Variants in POU2AF2 observed in about 807,000 individuals in gnomAD.
POU2AF2 encodes the protein POU domain class 2-associating factor 2.
At chr11:111,285,767 G>T in the POU2AF2 span, 18 of 1,612,908 alleles carry the variant, frequency 1.1e-5, no homozygotes, top group African/African-American at 2.4e-4. Flanking sequence ...GCTTGAGTCC[G>T]GGAGCATCGC....
the POU2AF2 span, among the ~76,000 whole-genome samples, chr11:111,251,532 A>G: frequency 5.3e-5 from 8 of 152,168 alleles, no homozygotes; most frequent in Non-Finnish European, 1.0e-4. Flanking sequence ...TAAATCTAGT[A>G]TCTCCAATTG....
the POU2AF2 span, among the ~76,000 whole-genome samples, chr11:111,258,238 G>A: frequency 7.9e-3 from 1,202 of 152,230 alleles, 10 homozygotes; most frequent in South Asian, 0.025. Flanking sequence ...GAAGTCACGC[G>A]GGTTGCTTGA....
chr11:111,285,940 G>T, the POU2AF2 span: 8 of 1,613,820 alleles, frequency 5.0e-6, no homozygotes, highest in Admixed American at 1.3e-4. Context: ...CCAAGGTGGG[G>T]CCACTCTCCC....
the POU2AF2 span, among the ~76,000 whole-genome samples, chr11:111,262,552 G>A: frequency 2.0e-5 from 3 of 152,306 alleles, no homozygotes; most frequent in East Asian, 1.9e-4. Context: ...CATGCAATTG[G>A]AAGCTGCATA....
At chr11:111,276,134 G>A in the POU2AF2 span, among the ~76,000 whole-genome samples, 10 of 151,924 alleles carry the variant, frequency 6.6e-5, no homozygotes, top group Admixed American at 2.0e-4. Flanking sequence ...ATTTATGAAC[G>A]ACATGAATCC....
At chr11:111,285,876 C>T in the POU2AF2 span, 1 of 1,611,158 alleles carries the variant, frequency 6.2e-7, no homozygotes, top group South Asian at 1.1e-5. Context: ...GGGTACCCTA[C>T]CCCGCCTCCT....
At chr11:111,284,165 G>T in the POU2AF2 span, 2 of 1,614,104 alleles carry the variant, frequency 1.2e-6, no homozygotes, top group Non-Finnish European at 1.7e-6. Context: ...TTCAAATGAC[G>T]TCTACACCTC....
At chr11:111,250,449 G>A in the POU2AF2 span, among the ~76,000 whole-genome samples, 1 of 152,120 alleles carries the variant, frequency 6.6e-6, no homozygotes, top group Non-Finnish European at 1.5e-5. Flanking sequence ...CCTTTAACAT[G>A]TCCATTATTT....
the POU2AF2 span, among the ~76,000 whole-genome samples, chr11:111,247,293 G>A: frequency 1.3e-5 from 2 of 151,764 alleles, no homozygotes; most frequent in Non-Finnish European, 2.9e-5. Flanking sequence ...TGTGAACAAT[G>A]CTGCAATGAA....
chr11:111,276,022 T>C, the POU2AF2 span, among the ~76,000 whole-genome samples: 4 of 151,908 alleles, frequency 2.6e-5, no homozygotes, highest in South Asian at 8.4e-4. Context: ...AGGATAATAG[T>C]AAAAGTTCTA....
chr11:111,266,826 C>T, the POU2AF2 span, among the ~76,000 whole-genome samples: 1 of 152,150 alleles, frequency 6.6e-6, no homozygotes, highest in African/African-American at 2.4e-5. Context: ...AGTAGTGAGG[C>T]TTAGATTTGG....
chr11:111,276,791 C>A, the POU2AF2 span, among the ~76,000 whole-genome samples: 1 of 149,136 alleles, frequency 6.7e-6, no homozygotes, highest in Admixed American at 6.7e-5. Context: ...GTGAATCCAG[C>A]GGTATTATCT....
At chr11:111,261,063 A>G in the POU2AF2 span, among the ~76,000 whole-genome samples, 1 of 152,254 alleles carries the variant, frequency 6.6e-6, no homozygotes, top group African/African-American at 2.4e-5. Context: ...GACTTTTACC[A>G]AAGACTAGAA....
chr11:111,260,126 C>T, the POU2AF2 span, among the ~76,000 whole-genome samples: 4 of 152,198 alleles, frequency 2.6e-5, no homozygotes, highest in Non-Finnish European at 5.9e-5. Flanking sequence ...TTACGGGAGA[C>T]ACTGTGGGGC....
At chr11:111,283,734 C>T in the POU2AF2 span, among the ~76,000 whole-genome samples, 4 of 152,248 alleles carry the variant, frequency 2.6e-5, no homozygotes, top group East Asian at 7.7e-4. Flanking sequence ...GAAAAAGATG[C>T]TTCCTTGGTT....
the POU2AF2 span, among the ~76,000 whole-genome samples, chr11:111,262,823 GCAACATGAC>G: frequency 5.9e-5 from 9 of 152,094 alleles, no homozygotes; most frequent in Non-Finnish European, 1.2e-4. Flanking sequence ...ACTGATGTTT[GCAACATGAC>G]CTTATGGGAT....
chr11:111,257,400 C>T, the POU2AF2 span, among the ~76,000 whole-genome samples: 1 of 149,814 alleles, frequency 6.7e-6, no homozygotes, highest in African/African-American at 2.5e-5. Flanking sequence ...CGCACTGTTG[C>T]CCAGGCTGGT....
chr11:111,278,682 C>T, the POU2AF2 span, among the ~76,000 whole-genome samples: 1,567 of 152,270 alleles, frequency 0.01, 29 homozygotes, highest in African/African-American at 0.035. Context: ...CTTCCAGTCT[C>T]CTGAACTGTG....
At chr11:111,265,669 C>A in the POU2AF2 span, among the ~76,000 whole-genome samples, 1 of 151,998 alleles carries the variant, frequency 6.6e-6, no homozygotes, top group African/African-American at 2.4e-5. Context: ...TGGTACATAG[C>A]GGTACTTGAT....
Sources: gnomAD v4.1 joint callset for allele counts (sites outside exome capture counted in the v4.1 genomes callset) on GRCh38, gnomAD v4.1.1 for gene constraint, MANE v1.5 for transcripts, NCBI Gene and HGNC (gene_info 2026-07-23, HGNC 2026-07-21) for gene names.